The following CNTN5 variants were observed in gnomAD, a reference collection of about 807,000 sequenced individuals.
The protein encoded by CNTN5 is contactin-5.
CNTN5 carries 77 observed loss-of-function variants against 129.1 expected under a neutral mutation model. The ratio of observed to expected loss-of-function variants is 0.60; its 90% CI spans 0.50 to 0.72. CNTN5 has a LOEUF of 0.72. Among genes scored for constraint, CNTN5 ranks in the 30% least tolerant of loss-of-function variants. The pLI, the probability that CNTN5 is intolerant of heterozygous loss-of-function variation, is 0.00. For synonymous variants in CNTN5, 509 were observed against 465.6 expected, an observed-to-expected ratio of 1.09 and a Z score of -1.20; for missense variants, 1,478 against 1,328.8, an observed-to-expected ratio of 1.11 and a Z score of -1.75.
intron 1 of CNTN5, among the ~76,000 whole-genome samples, chr11:99,217,241 A>T (rs1311077555): frequency 6.9e-6 from 1 of 145,410 alleles, no homozygotes; most frequent in Non-Finnish European, 1.5e-5. Flanking sequence ...GAAAAAAACA[A>T]ATAATATGAG....
intron 18 of CNTN5, among the ~76,000 whole-genome samples, chr11:100,273,706 C>T (rs1173754704): frequency 6.6e-6 from 1 of 152,170 alleles, no homozygotes; most frequent in Non-Finnish European, 1.5e-5. Flanking sequence ...GCCTCCGCCA[C>T]TGTGGTGAAT....
intron 1 of CNTN5, among the ~76,000 whole-genome samples, chr11:99,036,557 A>G (rs1863744727): frequency 1.3e-5 from 2 of 152,192 alleles, no homozygotes; most frequent in Admixed American, 6.6e-5. Flanking sequence ...TGAAATTAAA[A>G]TTCTTAGTTA....
intron 1 of CNTN5, among the ~76,000 whole-genome samples, chr11:99,279,867 G>A (rs12269923): frequency 0.028 from 4,301 of 151,544 alleles, 187 homozygotes; most frequent in African/African-American, 0.096. Context: ...GTGGCTCGGT[G>A]CTTTCACCTG....
At chr11:99,426,418 A>G (rs1046847954) in intron 2 of CNTN5, among the ~76,000 whole-genome samples, 1 of 152,250 alleles carries the variant, frequency 6.6e-6, no homozygotes, top group African/African-American at 2.4e-5. Flanking sequence ...ATGAGACCTA[A>G]TAAAGACATC....
At chr11:99,361,771 A>T (rs77598949) in intron 2 of CNTN5, among the ~76,000 whole-genome samples, 13,411 of 147,258 alleles carry the variant, frequency 0.091, 920 homozygotes, top group African/African-American at 0.19. Flanking sequence ...TATTTCACTT[A>T]GTGTAATGTC....
intron 8 of CNTN5, among the ~76,000 whole-genome samples, chr11:99,981,020 T>C (rs180681187): frequency 4.1e-5 from 6 of 148,090 alleles, no homozygotes; most frequent in Admixed American, 2.7e-4. Flanking sequence ...TAATCAAAAA[T>C]TGATAATTCA....
chr11:99,664,991 T>G (rs776237515), intron 3 of CNTN5, among the ~76,000 whole-genome samples: 6 of 152,206 alleles, frequency 3.9e-5, no homozygotes, highest in Non-Finnish European at 7.4e-5. Context: ...TATTCTGTCC[T>G]CAATTCCAAG....
chr11:100,333,992 C>T (rs1301992985), intron 21 of CNTN5, among the ~76,000 whole-genome samples: 1 of 152,176 alleles, frequency 6.6e-6, no homozygotes, highest in Non-Finnish European at 1.5e-5. Context: ...GCAGAGTTAA[C>T]AGACAACCCA....
chr11:100,289,835 T>C (rs1426578340), intron 18 of CNTN5, among the ~76,000 whole-genome samples: 2 of 150,044 alleles, frequency 1.3e-5, no homozygotes, highest in East Asian at 2.0e-4. Flanking sequence ...TGTTTGCAGA[T>C]GACATGATTG....
intron 2 of CNTN5, among the ~76,000 whole-genome samples, chr11:99,332,108 G>C (rs1286566907): frequency 6.6e-6 from 1 of 152,066 alleles, no homozygotes; most frequent in South Asian, 2.1e-4. Flanking sequence ...ATAGCTAACT[G>C]ATAGAACTAT....
chr11:100,219,767 T>C (rs1591405014), intron 15 of CNTN5, among the ~76,000 whole-genome samples: 1 of 152,330 alleles, frequency 6.6e-6, no homozygotes, highest in Non-Finnish European at 1.5e-5. Context: ...AAATGTTTTG[T>C]CAAATATTAT....
intron 4 of CNTN5, among the ~76,000 whole-genome samples, chr11:99,827,418 T>A (rs1417345696): frequency 6.6e-6 from 1 of 152,192 alleles, no homozygotes; most frequent in Non-Finnish European, 1.5e-5. Flanking sequence ...AGTTTTATTA[T>A]GTCTAATTGT....
At chr11:100,206,607 T>C (rs1948917511) in intron 15 of CNTN5, among the ~76,000 whole-genome samples, 1 of 152,110 alleles carries the variant, frequency 6.6e-6, no homozygotes, top group Non-Finnish European at 1.5e-5. Context: ...TTATTACAAC[T>C]GTAACACTCA....
chr11:99,694,386 A>G (rs1306907384), intron 3 of CNTN5, among the ~76,000 whole-genome samples: 1 of 152,162 alleles, frequency 6.6e-6, no homozygotes, highest in Admixed American at 6.5e-5. Flanking sequence ...GTAGTACACA[A>G]AGGCAAAAAT....
chr11:99,885,136 G>A (rs182916899), intron 6 of CNTN5, among the ~76,000 whole-genome samples: 91 of 152,100 alleles, frequency 6.0e-4, no homozygotes, highest in Middle Eastern at 3.4e-3. Context: ...TACAAAGATA[G>A]CAGGGCATGG....
chr11:100,286,696 T>C (rs1346264969), intron 18 of CNTN5, among the ~76,000 whole-genome samples: 58 of 149,348 alleles, frequency 3.9e-4, no homozygotes, highest in East Asian at 2.9e-3. Context: ...AAAAGCAGAG[T>C]GCCTCTCCTC....
chr11:99,628,976 G>A (rs182480122), intron 3 of CNTN5, among the ~76,000 whole-genome samples: 9 of 152,080 alleles, frequency 5.9e-5, no homozygotes, highest in African/African-American at 2.2e-4. Flanking sequence ...GGTAGACTCA[G>A]CACATATTCA....
Position 99,733,840 on chromosome 11 carries a change from C to T in CNTN5, c.56-85704C>T, listed in dbSNP as rs183709905. 4.4e-3 allele frequency among the ~76,000 whole-genome samples: 668 copies of T among 152,272 alleles called. 3 individuals carry two copies. Among genetic ancestry groups the T allele is most frequent in the Non-Finnish European group, 6.4e-3 (437 of 68,030 alleles). On this transcript the variant is annotated intron_variant, in intron 3 of 24. Coordinates refer to ENST00000524871, the MANE Select transcript of CNTN5 (RefSeq NM_014361.4). ...ACACACAAGCAGTGATAAAAAGGAG[C>T]GAGTAGCTCCAGAGACCAGCCTACT...
rs973399166 is a variant in CNTN5 at position 100,340,484 on chromosome 11, G to A, written c.2752G>A (p.Glu918Lys). Residue 918 changes from glutamate to lysine, a missense_variant, in exon 22 of 25, where the codon GAA becomes AAA. Glu to Lys is a moderately conservative substitution (Grantham distance 56, BLOSUM62 1). Transcript: ENST00000524871. ...ATAGGTTGGTTACTGGAAAGACATG[G>A]AACAGGAAGATACAGCAGAAACAGT... The part of the protein sequence containing the change: ...GFEVGYWKDM[E>K]QEDTAETVKT... 1.2e-6 allele frequency: 2 copies of A among 1,611,024 alleles called. No homozygotes were observed. The highest frequency in any genetic ancestry group is 2.2e-5 in the South Asian group (2 of 90,508).
Sources: gnomAD v4.1 joint callset for allele counts (sites outside exome capture counted in the v4.1 genomes callset) on GRCh38, gnomAD v4.1.1 for gene constraint, MANE v1.5 for transcripts, NCBI Gene and HGNC (gene_info 2026-07-23, HGNC 2026-07-21) for gene names.